BRINP2: variants seen among roughly 807,000 people sequenced by gnomAD.
The protein encoded by BRINP2 is BMP/retinoic acid-inducible neural-specific protein 2.
A neutral mutation model predicts 69.2 loss-of-function variants in BRINP2; 21 were observed. That is an observed-to-expected ratio of 0.30 (90% CI 0.22 to 0.44). The LOEUF is 0.44. BRINP2 is among the 20% of genes least tolerant of loss of function. The pLI is 1.00. For synonymous variants in BRINP2, 380 were observed against 394.1 expected (o/e 0.96, Z 0.42); for missense variants, 877 against 986.0 (o/e 0.89, Z 1.48).
chr1:177,192,514 A>G (rs910132042), intron 1 of BRINP2, among the ~76,000 whole-genome samples: 1 of 152,118 alleles, frequency 6.6e-6, no homozygotes, highest in South Asian at 2.1e-4. Context: ...TTTTCCCCTT[A>G]CTACTGCCTG....
At chr1:177,231,378 T>G (rs1649858090) in intron 2 of BRINP2, among the ~76,000 whole-genome samples, 1 of 152,222 alleles carries the variant, frequency 6.6e-6, no homozygotes, top group Non-Finnish European at 1.5e-5. Flanking sequence ...TGGGAGTTCT[T>G]TTTTAACATC....
intron 1 of BRINP2, among the ~76,000 whole-genome samples, chr1:177,219,808 A>C (rs1300746931): frequency 6.6e-6 from 1 of 152,226 alleles, no homozygotes; most frequent in African/African-American, 2.4e-5. Context: ...AGTTATGAGC[A>C]ATTTCTCTGT....
At chr1:177,185,076 A>T (rs556338474) in intron 1 of BRINP2, among the ~76,000 whole-genome samples, 1 of 152,276 alleles carries the variant, frequency 6.6e-6, no homozygotes, top group South Asian at 2.1e-4. Flanking sequence ...ATCCAAATGA[A>T]ATGTTACCCA....
At chr1:177,194,199 G>A (rs1404954393) in intron 1 of BRINP2, among the ~76,000 whole-genome samples, 1 of 152,144 alleles carries the variant, frequency 6.6e-6, no homozygotes, top group Non-Finnish European at 1.5e-5. Flanking sequence ...AGAGACTATG[G>A]GAGGCTTTTT....
intron 1 of BRINP2, among the ~76,000 whole-genome samples, chr1:177,224,772 A>C (rs1649646222): frequency 6.6e-6 from 1 of 152,208 alleles, no homozygotes; most frequent in Non-Finnish European, 1.5e-5. Flanking sequence ...TTTGTGCTTC[A>C]TAAGCAGTAA....
At chr1:177,207,307 T>G (rs923748645) in intron 1 of BRINP2, among the ~76,000 whole-genome samples, 3 of 152,244 alleles carry the variant, frequency 2.0e-5, no homozygotes, top group African/African-American at 4.8e-5. Context: ...GGTAGACAGA[T>G]AGAAGGCAAA....
intron 1 of BRINP2, among the ~76,000 whole-genome samples, chr1:177,212,293 C>T (rs1232940726): frequency 6.6e-6 from 1 of 152,114 alleles, no homozygotes; most frequent in Non-Finnish European, 1.5e-5. Context: ...CGCCTGTAAT[C>T]CCAGCACTTT....
chr1:177,262,783 T>C (rs1650999428), intron 4 of BRINP2, among the ~76,000 whole-genome samples: 1 of 152,146 alleles, frequency 6.6e-6, no homozygotes, highest in East Asian at 1.9e-4. Flanking sequence ...GAAAAGGGAA[T>C]AGTTGGGAAA....
chr1:177,199,151 C>T lies in BRINP2; in HGVS notation c.-77+27419C>T, dbSNP rs574647946. ...TTTGACCTATTTTAAGATATTTCAC[C>T]TTATTGCCCCCAAATGGTTGCAGTC... On this transcript the variant is annotated intron_variant, in intron 1 of 7. Coordinates refer to ENST00000361539, the MANE Select transcript of BRINP2 (RefSeq NM_021165.4). 2.6e-5 allele frequency among the ~76,000 whole-genome samples: 4 copies of T among 152,210 alleles called. No homozygotes were observed. The South Asian group carries it at 8.3e-4, about 32-fold the overall frequency.
intron 2 of BRINP2, among the ~76,000 whole-genome samples, chr1:177,245,930 A>G (rs1041909813): frequency 2.6e-5 from 4 of 152,152 alleles, no homozygotes; most frequent in African/African-American, 9.7e-5. Flanking sequence ...TGAAAGCTGC[A>G]GCTTGATTTT....
At chr1:177,175,928 AG>A (rs1202517366) in intron 1 of BRINP2, among the ~76,000 whole-genome samples, 5 of 152,196 alleles carry the variant, frequency 3.3e-5, no homozygotes, top group Admixed American at 2.0e-4. Flanking sequence ...CATGTGGTTA[AG>A]GGTTGTGAAT....
intron 1 of BRINP2, among the ~76,000 whole-genome samples, chr1:177,177,501 A>G (rs1280280646): frequency 4.6e-5 from 7 of 152,198 alleles, no homozygotes; most frequent in Non-Finnish European, 8.8e-5. Context: ...AAAGGTTTTC[A>G]CAAGCTTTCT....
At chr1:177,230,948 T>A (rs932581302) in intron 2 of BRINP2, among the ~76,000 whole-genome samples, 1 of 152,230 alleles carries the variant, frequency 6.6e-6, no homozygotes, top group African/African-American at 2.4e-5. Context: ...CCTTGCTGAT[T>A]TTGTTTCTTT....
intron 1 of BRINP2, among the ~76,000 whole-genome samples, chr1:177,202,619 C>A (rs1041594526): frequency 1.7e-4 from 26 of 152,058 alleles, no homozygotes; most frequent in Non-Finnish European, 2.1e-4. Flanking sequence ...GTTTTACTTC[C>A]AACTATGTGG....
chr1:177,239,625 A>G (rs922663482), intron 2 of BRINP2, among the ~76,000 whole-genome samples: 1 of 152,160 alleles, frequency 6.6e-6, no homozygotes, highest in East Asian at 1.9e-4. Context: ...GTTGCATGCA[A>G]TCTCTGCTTA....
chr1:177,230,179 C>T, intron 2 of BRINP2, 34 bp downstream of exon 2: 1 of 1,561,098 alleles, frequency 6.4e-7, no homozygotes, highest in Non-Finnish European at 8.7e-7. Context: ...CAGGGGCTTC[C>T]CTAAGAACCC....
At chr1:177,247,341 A>G (rs898488263) in intron 2 of BRINP2, among the ~76,000 whole-genome samples, 3 of 152,224 alleles carry the variant, frequency 2.0e-5, no homozygotes, top group Non-Finnish European at 2.9e-5. Context: ...GGCTCTGAGA[A>G]CAAAGACAGT....
intron 1 of BRINP2, among the ~76,000 whole-genome samples, chr1:177,226,250 G>T (rs1649687176): frequency 6.6e-6 from 1 of 152,204 alleles, no homozygotes; most frequent in South Asian, 2.1e-4. Flanking sequence ...CATGTTTTCA[G>T]TAGCTCACAA....
intron 1 of BRINP2, among the ~76,000 whole-genome samples, chr1:177,225,308 C>A (rs772600944): frequency 6.6e-6 from 1 of 152,222 alleles, no homozygotes; most frequent in African/African-American, 2.4e-5. Flanking sequence ...CTTGGTTTAC[C>A]TTTACGTTTT....
Sources: gnomAD v4.1 joint callset for allele counts (sites outside exome capture counted in the v4.1 genomes callset) on GRCh38, gnomAD v4.1.1 for gene constraint, MANE v1.5 for transcripts, NCBI Gene and HGNC (gene_info 2026-07-23, HGNC 2026-07-21) for gene names.